The following PAG1 variants were observed in gnomAD, a reference collection of about 807,000 sequenced individuals.
The protein encoded by PAG1 is phosphoprotein membrane anchor with glycosphingolipid microdomains 1, also known as phosphoprotein associated with glycosphingolipid-enriched microdomains 1.
PAG1 carries 23 observed loss-of-function variants against 31.7 expected under a neutral mutation model. That is an observed-to-expected ratio of 0.73 (90% CI 0.52 to 1.03). The LOEUF (loss-of-function observed/expected upper bound fraction) is 1.03, where lower values mean the gene tolerates loss of function less well. Among genes scored for constraint, PAG1 ranks in the 50% least tolerant of loss-of-function variants. PAG1 has a pLI of 0.00. For missense variants in PAG1, 473 were observed against 540.7 expected (o/e 0.87, Z 1.24); for synonymous variants, 214 against 210.3 (o/e 1.02, Z -0.15).
At chr8:81,097,962 G>T (rs1047352038) in intron 1 of PAG1, among the ~76,000 whole-genome samples, 14 of 152,274 alleles carry the variant, frequency 9.2e-5, no homozygotes, top group African/African-American at 3.4e-4. Context: ...CCTATAATTT[G>T]CAGAAATTGG....
chr8:81,009,160 CTCTT>C (rs1234433021), intron 3 of PAG1, among the ~76,000 whole-genome samples: 2 of 152,160 alleles, frequency 1.3e-5, no homozygotes, highest in Admixed American at 6.5e-5. Flanking sequence ...CTTCGTCTAG[CTCTT>C]TCTTTCCTCT....
At chr8:81,035,254 A>C (rs1490712219) in intron 2 of PAG1, among the ~76,000 whole-genome samples, 2 of 152,184 alleles carry the variant, frequency 1.3e-5, no homozygotes, top group African/African-American at 4.8e-5. Context: ...ACAGACTATG[A>C]GACCCAAAGA....
chr8:81,017,124 T>C (rs962739894), intron 3 of PAG1, among the ~76,000 whole-genome samples: 6 of 152,208 alleles, frequency 3.9e-5, no homozygotes, highest in African/African-American at 1.2e-4. Context: ...GCTAAATACA[T>C]GTTCATCTAA....
chr8:80,988,452 T>TTTTATTTA lies in PAG1; in HGVS notation c.178-994_178-987dup, dbSNP rs573638870. Among the ~76,000 whole-genome samples, 49 of 152,232 alleles carry TTTTATTTA rather than the reference T, an allele frequency of 3.2e-4. 1 individual carries two copies. The highest frequency in any genetic ancestry group is 3.4e-3 in the Middle Eastern group (1 of 294). On this transcript the variant is annotated intron_variant, in intron 5 of 8. Coordinates refer to ENST00000220597, the MANE Select transcript of PAG1 (RefSeq NM_018440.4). The stretch of plus-strand genomic sequence containing the variant: ...ATGCTGAAAATTAGCTCTGCAAACT[T>TTTTATTTA]TTTATTTATTTATTTATTTATTTTT...
At chr8:81,073,519 A>G (rs1373655838) in intron 1 of PAG1, among the ~76,000 whole-genome samples, 1 of 152,222 alleles carries the variant, frequency 6.6e-6, no homozygotes, top group Non-Finnish European at 1.5e-5. Context: ...AGCCTTGTCT[A>G]TTCAAAAAGA....
At chr8:80,987,538 A>T (rs1807450965) in intron 5 of PAG1, 72 bp from the exon 6 acceptor site, 1 of 1,052,928 alleles carries the variant, frequency 9.5e-7, no homozygotes, top group African/African-American at 1.6e-5. Flanking sequence ...GCAGAGGAGA[A>T]GATCCATGGC....
At chr8:81,075,652 G>A (rs905598517) in intron 1 of PAG1, among the ~76,000 whole-genome samples, 2 of 152,116 alleles carry the variant, frequency 1.3e-5, no homozygotes, top group Non-Finnish European at 1.5e-5. Flanking sequence ...GGGAAACTGA[G>A]GCCTAGAAAT....
intron 1 of PAG1, among the ~76,000 whole-genome samples, chr8:81,071,194 C>G (rs1446496342): frequency 6.6e-6 from 1 of 152,190 alleles, no homozygotes; most frequent in Non-Finnish European, 1.5e-5. Context: ...TCCATGAGCT[C>G]CAGTGTCAGA....
intron 1 of PAG1, among the ~76,000 whole-genome samples, chr8:81,080,058 C>G (rs1441684601): frequency 6.6e-6 from 1 of 152,174 alleles, no homozygotes; most frequent in African/African-American, 2.4e-5. Flanking sequence ...GCATGAGCCA[C>G]TGCACCTGGC....
Position 81,070,164 on chromosome 8 carries a change from G to A in PAG1, c.-227C>T, listed in dbSNP as rs968639434. The A allele has an allele frequency of 6.6e-5, 10 of 152,130 alleles. No homozygotes were observed. Among genetic ancestry groups the A allele is most frequent in the African/African-American group, 1.7e-4 (7 of 41,422 alleles). 9.4% of individuals were successfully genotyped at this position (152,130 alleles called of 1,614,324 possible). A position where few individuals can be genotyped will look rare whatever the true frequency, so the allele number is the denominator to read the frequency against. ...ACTGCTGAAATAGGAGAAAAATCTC[G>A]TGTTTTCTGGAAAAGAAACACAAGA... On this transcript the variant is annotated 5_prime_UTR_variant, in exon 2 of 9. In the 5' UTR this introduces an upstream ATG that the reference lacks. Coordinates refer to ENST00000220597, the MANE Select transcript of PAG1 (RefSeq NM_018440.4).
At chr8:81,054,994 T>C (rs556261709) in intron 2 of PAG1, among the ~76,000 whole-genome samples, 3 of 152,174 alleles carry the variant, frequency 2.0e-5, no homozygotes, top group Admixed American at 6.5e-5. Context: ...GGCACATCAA[T>C]AGATTCAGGA....
rs1225482918 is a variant in PAG1, at chr8:81,051,125, T to A, written c.-175+18987A>T. On this transcript the variant is annotated intron_variant, in intron 2 of 8. Transcript: ENST00000220597. ...TCCATCTGTAAGCTGTCTCTGATAC[T>A]GAGTGCTGGGCTGGATGACGTGATG... Among the ~76,000 whole-genome samples the A allele has an allele frequency of 2.6e-5, 4 of 152,232 alleles. No individual in the cohort carries two copies. In the East Asian group the frequency reaches 7.7e-4, roughly 29 times the overall value.
At chr8:81,064,369 T>C (rs1808969062) in intron 2 of PAG1, among the ~76,000 whole-genome samples, 1 of 152,178 alleles carries the variant, frequency 6.6e-6, no homozygotes, top group African/African-American at 2.4e-5. Context: ...CACCTCCTGC[T>C]GTGTGGCCTG....
At chr8:81,021,422 T>C (rs1248561590) in intron 3 of PAG1, among the ~76,000 whole-genome samples, 1 of 149,716 alleles carries the variant, frequency 6.7e-6, no homozygotes, top group East Asian at 1.9e-4. Flanking sequence ...GTTTGCACCC[T>C]ATGTCCTTTT....
chr8:80,991,564 T>C, intron 4 of PAG1, 34 bp from the exon 5 acceptor site: 1 of 1,531,780 alleles, frequency 6.5e-7, no homozygotes, highest in Non-Finnish European at 9.1e-7. Flanking sequence ...TAATGTCAAA[T>C]GTGCCCCCTT....
At position 80,972,943 on chromosome 8, in the gene PAG1, G is replaced by A. The variant is rs543270124; in HGVS notation, c.*3601C>T. 16 of 147,558 alleles carry A rather than the reference G, an allele frequency of 1.1e-4. No individual in the cohort carries two copies. Among genetic ancestry groups the A allele is most frequent in the African/African-American group, 4.0e-4 (16 of 40,096 alleles). The allele number at this position is 147,558 out of a possible 1,614,324, so 9.1% of individuals were successfully genotyped here. A position where few individuals can be genotyped will look rare whatever the true frequency, so the allele number is the denominator to read the frequency against. On this transcript the variant is annotated 3_prime_UTR_variant, in exon 9 of 9. Transcript: ENST00000220597. ...TATATACACACACACACGTATACGT[G>A]TGTGTGTGTGTGTGTGTGTGTGTAG...
chr8:81,014,646 C>T (rs79264621), intron 3 of PAG1, among the ~76,000 whole-genome samples: 5 of 152,248 alleles, frequency 3.3e-5, no homozygotes, highest in Non-Finnish European at 4.4e-5. Flanking sequence ...GGAATGGCCA[C>T]GTAAACATGT....
At chr8:81,042,907 GCTCTCAT>G (rs995006569) in intron 2 of PAG1, among the ~76,000 whole-genome samples, 2 of 152,068 alleles carry the variant, frequency 1.3e-5, no homozygotes, top group African/African-American at 4.8e-5. Flanking sequence ...TCTGCAACTG[GCTCTCAT>G]CTCACGGCAC....
At chr8:81,009,450 T>C (rs1807942241) in intron 3 of PAG1, among the ~76,000 whole-genome samples, 1 of 152,110 alleles carries the variant, frequency 6.6e-6, no homozygotes, top group Non-Finnish European at 1.5e-5. Context: ...CCCATCAAAC[T>C]AACCTTAGGG....
Sources: allele counts gnomAD v4.1 joint callset (sites outside exome capture counted in the v4.1 genomes callset), GRCh38; gene constraint gnomAD v4.1.1; transcripts MANE v1.5; gene names NCBI Gene and HGNC (gene_info 2026-07-23, HGNC 2026-07-21).